The following TRPC4 variants were observed in gnomAD, a reference collection of about 807,000 sequenced individuals.
TRPC4 encodes the protein short transient receptor potential channel 4.
In TRPC4, 49 loss-of-function variants were observed where a neutral mutation model predicts 99.4. The observed-to-expected ratio is 0.49, with a 90% CI of 0.39 to 0.63. TRPC4 has a LOEUF of 0.63. Among genes scored for constraint, TRPC4 ranks in the 20% least tolerant of loss-of-function variants. The pLI, the probability that TRPC4 is intolerant of heterozygous loss-of-function variation, is 0.00. For missense variants in TRPC4, 898 were observed against 1,152.9 expected (o/e 0.78, Z 3.20); for synonymous variants, 454 against 425.9 (o/e 1.07, Z -0.81).
chr13:37,777,355 G>A (rs1956734135), intron 2 of TRPC4, among the ~76,000 whole-genome samples: 3 of 151,938 alleles, frequency 2.0e-5, no homozygotes, highest in East Asian at 2.0e-4. Context: ...GTCTTCACAC[G>A]GCAGCGGGAG....
chr13:37,854,079 A>G (rs1959123972), intron 1 of TRPC4, among the ~76,000 whole-genome samples: 1 of 152,158 alleles, frequency 6.6e-6, no homozygotes, highest in African/African-American at 2.4e-5. Flanking sequence ...GTAAAAGGTT[A>G]TAGAACACCT....
chr13:37,809,380 T>C (rs1957614062), intron 1 of TRPC4, among the ~76,000 whole-genome samples: 1 of 152,078 alleles, frequency 6.6e-6, no homozygotes, highest in Non-Finnish European at 1.5e-5. Flanking sequence ...GTTGTTTTAC[T>C]TTTTTGCAGT....
In TRPC4 at chr13:37,641,724, G is replaced by A. The variant is rs536880858; in HGVS notation, c.2080-2425C>T. 1.2e-4 allele frequency among the ~76,000 whole-genome samples: 18 copies of A among 152,218 alleles called. No homozygotes were observed. The South Asian group carries it at 3.7e-3, about 32-fold the overall frequency. ...ATATGGTCCCAGGGGTTACACCTGG[G>A]TTTGAAGCTGACTGTGCCTAGTCAG... On this transcript the variant is annotated intron_variant, in intron 8 of 10. Transcript: ENST00000379705.
At position 37,663,512 on chromosome 13, in the gene TRPC4, G is replaced by A. The variant is rs762213722; in HGVS notation, c.1592C>T (p.Ala531Val). The change falls in exon 6 of 11, where the codon GCA (alanine) becomes GTA (valine). Residue 531 changes from alanine (A) to valine (V), a missense_variant. Transcript: ENST00000379705. The part of the protein sequence containing the change: ...FIYCLVLLAF[A>V]NGLNQLYFYY... ...GAAGTACAATTGATTTAGGCCATTT[G>A]CAAATGCTAGCAACACAAGGCAGTA... 6.2e-7 allele frequency: 1 copy of A among 1,614,130 alleles called. No homozygotes were observed. The highest frequency in any genetic ancestry group is 1.1e-5 in the South Asian group (1 of 91,082).
intron 4 of TRPC4, among the ~76,000 whole-genome samples, chr13:37,678,632 A>C (rs1953136514): frequency 6.6e-6 from 1 of 152,104 alleles, no homozygotes; most frequent in South Asian, 2.1e-4. Flanking sequence ...CAACAACAAA[A>C]AAATTCAGGT....
Position 37,824,161 on chromosome 13 carries a change from G to A in TRPC4, c.-27-40801C>T, listed in dbSNP as rs1305340337. Reference sequence around the variant, plus strand: ...TTGCTGAAGTTGCTTATCAGCTTAAGGAGATTTTGGGCTGAGACAATGGGG... The same window carrying A: ...TTGCTGAAGTTGCTTATCAGCTTAAAGAGATTTTGGGCTGAGACAATGGGG... On this transcript the variant is annotated intron_variant, in intron 1 of 10. Transcript: ENST00000379705. Among the ~76,000 whole-genome samples the A allele has an allele frequency of 2.7e-5, 4 of 150,746 alleles. No homozygotes were observed. In the East Asian group the frequency reaches 7.8e-4, roughly 29 times the overall value.
intron 1 of TRPC4, among the ~76,000 whole-genome samples, chr13:37,810,327 T>C (rs1957641726): frequency 6.6e-6 from 1 of 152,066 alleles, no homozygotes; most frequent in Non-Finnish European, 1.5e-5. Flanking sequence ...ATAATCCTTT[T>C]CTATAATGTT....
At chr13:37,683,074 A>G (rs2138823065) in intron 4 of TRPC4, among the ~76,000 whole-genome samples, 1 of 152,086 alleles carries the variant, frequency 6.6e-6, no homozygotes, top group Middle Eastern at 3.4e-3. Context: ...AGGACAGTGC[A>G]GTTTTTGTGC....
At chr13:37,848,262 A>G (rs1363613050) in intron 1 of TRPC4, among the ~76,000 whole-genome samples, 1 of 152,208 alleles carries the variant, frequency 6.6e-6, no homozygotes, top group Non-Finnish European at 1.5e-5. Flanking sequence ...AAGACATCAC[A>G]TTAAATATCT....
intron 1 of TRPC4, among the ~76,000 whole-genome samples, chr13:37,864,569 T>C (rs562624249): frequency 1.3e-5 from 2 of 151,822 alleles, no homozygotes; most frequent in South Asian, 4.1e-4. Context: ...ATTAATTATG[T>C]CAATTATGAA....
intron 1 of TRPC4, among the ~76,000 whole-genome samples, chr13:37,834,586 C>A (rs1294241176): frequency 2.0e-5 from 3 of 152,124 alleles, no homozygotes; most frequent in Non-Finnish European, 4.4e-5. Flanking sequence ...ATGTTCTTGC[C>A]ATACTTATTG....
intron 1 of TRPC4, among the ~76,000 whole-genome samples, chr13:37,849,060 A>G (rs1253595047): frequency 2.6e-5 from 4 of 152,244 alleles, no homozygotes; most frequent in East Asian, 1.9e-4. Flanking sequence ...ACTACAGCCC[A>G]TTGCCAGGAC....
intron 2 of TRPC4, among the ~76,000 whole-genome samples, chr13:37,756,879 C>T (rs112718725): frequency 1.9e-4 from 29 of 151,654 alleles, no homozygotes; most frequent in African/African-American, 6.5e-4. Context: ...AAACATTGAT[C>T]CAGAAAATAA....
At chr13:37,734,787 C>G (rs564501088) in intron 3 of TRPC4, among the ~76,000 whole-genome samples, 3 of 152,194 alleles carry the variant, frequency 2.0e-5, no homozygotes, top group Admixed American at 6.5e-5. Flanking sequence ...AGAAAAATAA[C>G]AACAATGTCC....
intron 5 of TRPC4, among the ~76,000 whole-genome samples, chr13:37,666,515 C>T (rs192209000): frequency 6.6e-6 from 1 of 152,300 alleles, no homozygotes; most frequent in East Asian, 1.9e-4. Context: ...CCATCCTTCA[C>T]ATAGATATTT....
intron 1 of TRPC4, among the ~76,000 whole-genome samples, chr13:37,803,200 G>C (rs1047394082): frequency 3.3e-5 from 5 of 151,770 alleles, no homozygotes; most frequent in African/African-American, 9.7e-5. Context: ...ACTACAAGAG[G>C]CTTCAGGCTC....
At chr13:37,685,788 C>T (rs1206039894) in intron 4 of TRPC4, among the ~76,000 whole-genome samples, 1 of 151,908 alleles carries the variant, frequency 6.6e-6, no homozygotes, top group Non-Finnish European at 1.5e-5. Context: ...AGTTCATTTC[C>T]CTCCAATAAA....
chr13:37,768,663 AACACACACGCACAC>A lies in TRPC4; in HGVS notation c.378+14279_378+14292del, dbSNP rs1165560180. On this transcript the variant is annotated intron_variant, in intron 2 of 10. Coordinates refer to ENST00000379705, the MANE Select transcript of TRPC4 (RefSeq NM_016179.4). Reference sequence around the variant, plus strand: ...TTTAATGTGCAAATACACACATACGAACACACACGCACACACACACACACACACACACATCAGGA... The same window carrying A: ...TTTAATGTGCAAATACACACATACGAACACACACACACACACACATCAGGA... Among the ~76,000 whole-genome samples the A allele has an allele frequency of 9.8e-4, 140 of 142,748 alleles. 1 individual carries two copies. The highest frequency in any genetic ancestry group is 3.3e-3 in the African/African-American group (130 of 39,030). 93.6% of individuals were successfully genotyped at this position (142,748 alleles called of 152,430 possible). A position where few individuals can be genotyped will look rare whatever the true frequency, so the allele number is the denominator to read the frequency against.
intron 1 of TRPC4, among the ~76,000 whole-genome samples, chr13:37,797,664 A>G (rs1593766955): frequency 6.6e-6 from 1 of 152,224 alleles, no homozygotes; most frequent in Non-Finnish European, 1.5e-5. Flanking sequence ...TATGCAAATC[A>G]AAGGCAACTT....
Sources: allele counts gnomAD v4.1 joint callset (sites outside exome capture counted in the v4.1 genomes callset), GRCh38; gene constraint gnomAD v4.1.1; transcripts MANE v1.5; gene names NCBI Gene and HGNC (gene_info 2026-07-23, HGNC 2026-07-21).